Variants in CRTC3 observed in about 807,000 individuals in gnomAD.
CRTC3 encodes the protein CREB regulated transcription coactivator 3.
In CRTC3, 26 loss-of-function variants were observed where a neutral mutation model predicts 74.5. The observed-to-expected ratio is 0.35, with a 90% CI of 0.26 to 0.48. CRTC3 has a LOEUF of 0.48. Among genes scored for constraint, CRTC3 ranks in the 20% least tolerant of loss-of-function variants. CRTC3 has a pLI of 0.99. For synonymous variants in CRTC3, 377 were observed against 325.8 expected (o/e 1.16, Z -1.69); for missense variants, 760 against 787.3 (o/e 0.97, Z 0.41).
At chr15:90,559,172 A>G (rs758463250) in intron 2 of CRTC3, among the ~76,000 whole-genome samples, 1 of 152,190 alleles carries the variant, frequency 6.6e-6, no homozygotes, top group Non-Finnish European at 1.5e-5. Context: ...TGGCCAGGGT[A>G]TGAGTTCCAT....
rs769978211 is a variant in CRTC3, at chr15:90,617,866, T to C, written c.614-17T>C. 2.0e-5 allele frequency: 30 copies of C among 1,499,132 alleles called. No homozygotes were observed. In the East Asian group the frequency reaches 4.7e-4, roughly 23 times the overall value. The allele number at this position is 1,499,132 out of a possible 1,614,324, so 92.9% of individuals were successfully genotyped here. On this transcript the variant is annotated splice_polypyrimidine_tract_variant and intron_variant, in intron 7 of 14. Coordinates refer to ENST00000268184, the MANE Select transcript of CRTC3 (RefSeq NM_022769.5). ...CCTTCTCATGCAATGACTGTGCTGC[T>C]TTTTTTTTCCCTTTAGTAGCATCTT...
At chr15:90,555,491 C>T (rs1316889814) in intron 2 of CRTC3, among the ~76,000 whole-genome samples, 3 of 152,072 alleles carry the variant, frequency 2.0e-5, no homozygotes, top group Non-Finnish European at 2.9e-5. Flanking sequence ...GACGTTAACT[C>T]TAGTGTTCTT....
chr15:90,623,872 A>G (rs901399730), intron 9 of CRTC3, among the ~76,000 whole-genome samples: 6 of 152,092 alleles, frequency 3.9e-5, no homozygotes, highest in Non-Finnish European at 2.9e-5. Context: ...CTGAGGGCAC[A>G]CCATGTGGTC....
chr15:90,601,376 G>A (rs1027797659), intron 3 of CRTC3, among the ~76,000 whole-genome samples: 7 of 152,126 alleles, frequency 4.6e-5, no homozygotes, highest in African/African-American at 9.7e-5. Flanking sequence ...ACCGCCGGGC[G>A]CAGTGGCTCA....
At chr15:90,622,752 G>A (rs1968696027) in intron 9 of CRTC3, among the ~76,000 whole-genome samples, 1 of 152,186 alleles carries the variant, frequency 6.6e-6, no homozygotes, top group Admixed American at 6.5e-5. Context: ...TCGGGAGGCT[G>A]AGGCAGGAGA....
At chr15:90,558,225 G>A (rs1465181657) in intron 2 of CRTC3, among the ~76,000 whole-genome samples, 10 of 152,016 alleles carry the variant, frequency 6.6e-5, no homozygotes, top group East Asian at 5.8e-4. Context: ...TACCCTGGTC[G>A]GACCCGTTAT....
chr15:90,592,514 G>A (rs1311158993), intron 2 of CRTC3, among the ~76,000 whole-genome samples: 2 of 152,176 alleles, frequency 1.3e-5, no homozygotes, highest in African/African-American at 4.8e-5. Flanking sequence ...AACCAAAAAG[G>A]TTGCCCTTTG....
intron 2 of CRTC3, among the ~76,000 whole-genome samples, chr15:90,551,584 A>G (rs796936455): frequency 1.4e-4 from 21 of 152,150 alleles, no homozygotes; most frequent in South Asian, 4.2e-4. Context: ...AGGCATTCTA[A>G]TGCTGCGTTC....
intron 1 of CRTC3, among the ~76,000 whole-genome samples, chr15:90,536,233 G>C (rs6496685): frequency 0.64 from 97,395 of 151,936 alleles, 32,064 homozygotes; most frequent in Non-Finnish European, 0.7. Flanking sequence ...CTCTAACTTA[G>C]CTCTTTTTGA....
intron 11 of CRTC3, among the ~76,000 whole-genome samples, chr15:90,632,383 G>A (rs1969071106): frequency 6.6e-6 from 1 of 151,880 alleles, no homozygotes; most frequent in African/African-American, 2.4e-5. Flanking sequence ...ATTGCTTAAG[G>A]CCCGGAGTTC....
At chr15:90,581,783 T>C (rs1967546672) in intron 2 of CRTC3, among the ~76,000 whole-genome samples, 1 of 152,202 alleles carries the variant, frequency 6.6e-6, no homozygotes, top group South Asian at 2.1e-4. Context: ...TCTTCTAAAC[T>C]CAGTGAAGTG....
At chr15:90,548,830 C>T (rs1387659645) in intron 2 of CRTC3, among the ~76,000 whole-genome samples, 1 of 152,110 alleles carries the variant, frequency 6.6e-6, no homozygotes, top group African/African-American at 2.4e-5. Context: ...TCGACAATAG[C>T]ACAATTCTAG....
intron 9 of CRTC3, among the ~76,000 whole-genome samples, chr15:90,621,082 A>G (rs1323746926): frequency 6.6e-6 from 1 of 152,176 alleles, no homozygotes; most frequent in Non-Finnish European, 1.5e-5. Flanking sequence ...GGACATTCCC[A>G]TGGAAGGGGC....
At chr15:90,614,368 AT>A in intron 6 of CRTC3, 84 bp from the exon 7 acceptor site, 1 of 990,964 alleles carries the variant, frequency 1.0e-6, no homozygotes. Flanking sequence ...ATTTCAAATC[AT>A]AAAGAGTTAC....
intron 2 of CRTC3, among the ~76,000 whole-genome samples, chr15:90,551,279 G>A (rs1482794059): frequency 6.6e-6 from 1 of 152,114 alleles, no homozygotes; most frequent in Non-Finnish European, 1.5e-5. Flanking sequence ...TACAAATCGT[G>A]CTTAGGAACA....
At chr15:90,588,891 C>A (rs1243138609) in intron 2 of CRTC3, among the ~76,000 whole-genome samples, 1 of 152,176 alleles carries the variant, frequency 6.6e-6, no homozygotes. Context: ...TATGTAACAT[C>A]ATTTTGTCTT....
chr15:90,634,805 CA>C, intron 11 of CRTC3: 1 of 1,430,802 alleles, frequency 7.0e-7, no homozygotes. Flanking sequence ...AAACTGTAAC[CA>C]AAGGAGGCAT....
chr15:90,598,672 G>T (rs1056189278), intron 3 of CRTC3: 1 of 620,138 alleles, frequency 1.6e-6, no homozygotes, highest in Non-Finnish European at 2.9e-6. Context: ...ATTTTTGGTA[G>T]AATTTGAGCT....
chr15:90,573,067 C>G (rs2059939789), intron 2 of CRTC3, among the ~76,000 whole-genome samples: 1 of 152,178 alleles, frequency 6.6e-6, no homozygotes, highest in African/African-American at 2.4e-5. Context: ...CATGCCACCT[C>G]CCACTAGCTC....
Sources: gnomAD v4.1 joint callset for allele counts (sites outside exome capture counted in the v4.1 genomes callset) on GRCh38, gnomAD v4.1.1 for gene constraint, MANE v1.5 for transcripts, NCBI Gene and HGNC (gene_info 2026-07-23, HGNC 2026-07-21) for gene names.